ANXA10: variants seen among roughly 807,000 people sequenced by gnomAD.
ANXA10 encodes the protein annexin A10, also known as annexin 14.
Under a neutral mutation model 53.5 loss-of-function variants are expected in ANXA10, and 49 were observed. That is an observed-to-expected ratio of 0.92 (90% CI 0.73 to 1.16). ANXA10 has a LOEUF of 1.16. Ranked by LOEUF, ANXA10 falls within the 50% of genes most tolerant of loss-of-function variation. ANXA10 has a pLI of 0.00. For missense variants in ANXA10, 393 were observed against 394.4 expected (o/e 1.00, Z 0.03); for synonymous variants, 131 against 128.9 (o/e 1.02, Z -0.11).
At chr4:168,118,601 T>A (rs768230302) in intron 1 of ANXA10, among the ~76,000 whole-genome samples, 25 of 152,190 alleles carry the variant, frequency 1.6e-4, no homozygotes, top group Non-Finnish European at 3.2e-4. Flanking sequence ...CTATTGAGAA[T>A]CTGGCTGGTA....
chr4:168,155,406 A>G (rs1287405038), intron 3 of ANXA10, among the ~76,000 whole-genome samples: 3 of 89,854 alleles, frequency 3.3e-5, no homozygotes, highest in South Asian at 2.8e-4. Context: ...ATTATATATT[A>G]TATTATACAT....
intron 2 of ANXA10, among the ~76,000 whole-genome samples, chr4:168,138,984 A>G (rs1348849075): frequency 6.6e-6 from 1 of 152,124 alleles, no homozygotes; most frequent in Non-Finnish European, 1.5e-5. Context: ...CAAATCTAGG[A>G]GTCTTTTAGA....
intron 1 of ANXA10, 96 bp downstream of exon 1, chr4:168,092,814 G>T: frequency 8.3e-7 from 1 of 1,204,198 alleles, no homozygotes; most frequent in Non-Finnish European, 1.1e-6. Flanking sequence ...AACAGAAAAT[G>T]TTGTTCTAAT....
chr4:168,129,607 A>C (rs2149470087), intron 2 of ANXA10, among the ~76,000 whole-genome samples: 1 of 152,260 alleles, frequency 6.6e-6, no homozygotes, highest in African/African-American at 2.4e-5. Context: ...ATTGCTTTAA[A>C]GTTCTATCCA....
intron 1 of ANXA10, chr4:168,113,265 C>T (rs1730840145): frequency 6.6e-6 from 1 of 152,560 alleles, no homozygotes; most frequent in African/African-American, 2.4e-5. Flanking sequence ...TCAAGGTGCT[C>T]TCACTTGGTC....
intron 6 of ANXA10, among the ~76,000 whole-genome samples, chr4:168,176,293 A>C (rs1732125701): frequency 6.6e-6 from 1 of 152,174 alleles, no homozygotes; most frequent in African/African-American, 2.4e-5. Context: ...TAAGCCACTG[A>C]TTTAATTTAT....
intron 2 of ANXA10, among the ~76,000 whole-genome samples, chr4:168,130,080 C>A (rs913525112): frequency 6.6e-6 from 1 of 152,108 alleles, no homozygotes; most frequent in African/African-American, 2.4e-5. Flanking sequence ...TCTTTCTGAT[C>A]ATTAAGTATG....
chr4:168,182,576 G>C (rs868507108), intron 10 of ANXA10, among the ~76,000 whole-genome samples: 2 of 148,590 alleles, frequency 1.3e-5, no homozygotes, highest in African/African-American at 4.9e-5. Flanking sequence ...TTCGTGATCC[G>C]CCCGCCTCGG....
chr4:168,182,049 C>T (rs1732258804), intron 10 of ANXA10, among the ~76,000 whole-genome samples: 1 of 151,986 alleles, frequency 6.6e-6, no homozygotes, highest in African/African-American at 2.4e-5. Flanking sequence ...TTCCAAAGAC[C>T]CCCACATCAG....
chr4:168,186,466 G>C (rs189858242), intron 11 of ANXA10, among the ~76,000 whole-genome samples: 1 of 152,150 alleles, frequency 6.6e-6, no homozygotes, highest in African/African-American at 2.4e-5. Context: ...GGTCATGAAC[G>C]TGGAGCCCAT....
rs1422195494 is a variant in ANXA10 at position 168,179,235 on chromosome 4, A to G, written c.647A>G (p.Asn216Ser). Reference protein sequence around the residue: ...QLRLVFQEFQNISGQDMVDAI... With the variant: ...QLRLVFQEFQSISGQDMVDAI... The stretch of plus-strand genomic sequence containing the variant: ...GTTAAAGTTTTCCAGGAATTTCAAA[A>G]TATTTCTGGGCAAGATATGGTAGAT... The change falls in exon 9 of 12, where the codon AAT becomes AGT. Residue 216 changes from asparagine to serine, a missense_variant. Physicochemically the swap from Asn to Ser is conservative, Grantham distance 46. Coordinates refer to ENST00000359299, the MANE Select transcript of ANXA10 (RefSeq NM_007193.5). 6.2e-7 allele frequency: 1 copy of G among 1,609,276 alleles called. No homozygotes were observed. Among genetic ancestry groups the G allele is most frequent in the Non-Finnish European group, 8.5e-7 (1 of 1,177,930 alleles).
At chr4:168,093,368 C>T (rs1171860384) in intron 1 of ANXA10, among the ~76,000 whole-genome samples, 1 of 151,980 alleles carries the variant, frequency 6.6e-6, no homozygotes, top group Non-Finnish European at 1.5e-5. Context: ...AGTCCAACTG[C>T]TCTAATAGTC....
chr4:168,130,804 C>A (rs1731144546), intron 2 of ANXA10, among the ~76,000 whole-genome samples: 1 of 151,630 alleles, frequency 6.6e-6, no homozygotes, highest in Non-Finnish European at 1.5e-5. Flanking sequence ...AGTAATGGCT[C>A]CTGTTTCGTT....
intron 9 of ANXA10, among the ~76,000 whole-genome samples, chr4:168,179,608 C>G (rs989474591): frequency 1.3e-5 from 2 of 152,194 alleles, no homozygotes; most frequent in Non-Finnish European, 2.9e-5. Flanking sequence ...ATTGGCTTCT[C>G]ACACTGTTCA....
intron 2 of ANXA10, among the ~76,000 whole-genome samples, chr4:168,130,117 GTTCA>G (rs1731134257): frequency 6.6e-6 from 1 of 152,052 alleles, no homozygotes; most frequent in Admixed American, 6.6e-5. Context: ...TTTTGAAAAC[GTTCA>G]TTATGAAGTT....
At chr4:168,157,912 A>T (rs1052789509) in intron 3 of ANXA10, among the ~76,000 whole-genome samples, 1 of 152,180 alleles carries the variant, frequency 6.6e-6, no homozygotes, top group Non-Finnish European at 1.5e-5. Context: ...TGCTATAAAT[A>T]TTCCTGTTCT....
chr4:168,177,390 T>G (rs1253888597), intron 6 of ANXA10, among the ~76,000 whole-genome samples: 8 of 152,180 alleles, frequency 5.3e-5, no homozygotes, highest in African/African-American at 1.9e-4. Flanking sequence ...TCTAACAATG[T>G]TAACACTCAT....
intron 1 of ANXA10, among the ~76,000 whole-genome samples, chr4:168,115,647 G>GA (rs550434091): frequency 2.2e-4 from 33 of 151,134 alleles, no homozygotes; most frequent in Non-Finnish European, 3.2e-4. Context: ...TCACATAAGT[G>GA]AAAAAAAAGT....
chr4:168,143,594 C>A (rs1378236666), intron 3 of ANXA10, among the ~76,000 whole-genome samples: 1 of 152,160 alleles, frequency 6.6e-6, no homozygotes, highest in Non-Finnish European at 1.5e-5. Context: ...AAAAACAATG[C>A]AGTGACACCA....
Sources: gnomAD v4.1 joint callset for allele counts (sites outside exome capture counted in the v4.1 genomes callset) on GRCh38, gnomAD v4.1.1 for gene constraint, MANE v1.5 for transcripts, NCBI Gene and HGNC (gene_info 2026-07-23, HGNC 2026-07-21) for gene names.